The following TENM4 variants were observed in gnomAD, a reference collection of about 807,000 sequenced individuals.
TENM4 encodes teneurin-4.
In TENM4, 82 loss-of-function variants were observed where a neutral mutation model predicts 243.3. The observed-to-expected ratio is 0.34, with a 90% confidence interval of 0.28 to 0.40. TENM4 has a LOEUF of 0.40. Among genes scored for constraint, TENM4 ranks in the 10% least tolerant of loss-of-function variants. The pLI, the probability that TENM4 is intolerant of heterozygous loss-of-function variation, is 1.00. For synonymous variants in TENM4, 1,412 were observed against 1,456.3 expected, an observed-to-expected ratio of 0.97 and a Z score of 0.69; for missense variants, 3,138 against 3,673.3, an observed-to-expected ratio of 0.85 and a Z score of 3.77.
intron 28 of TENM4, among the ~76,000 whole-genome samples, chr11:78,689,312 T>C (rs138427696): frequency 6.6e-6 from 1 of 152,280 alleles, no homozygotes; most frequent in Non-Finnish European, 1.5e-5. Flanking sequence ...ACATTTTAAT[T>C]ATTGTTTTTA....
At chr11:78,732,249 T>G in intron 21 of TENM4, 67 bp downstream of exon 21, 1 of 1,530,166 alleles carries the variant, frequency 6.5e-7, no homozygotes, top group Non-Finnish European at 8.8e-7. Context: ...CCACTGTCTC[T>G]GAGATCCTCC....
At chr11:79,083,119 T>C (rs1471942079) in intron 4 of TENM4, among the ~76,000 whole-genome samples, 7 of 152,148 alleles carry the variant, frequency 4.6e-5, no homozygotes, top group Non-Finnish European at 8.8e-5. Context: ...AATTAAGTCT[T>C]ATAAGTGCCG....
chr11:79,404,611 C>T (rs1052010599), intron 1 of TENM4, among the ~76,000 whole-genome samples: 2 of 152,150 alleles, frequency 1.3e-5, no homozygotes, highest in Non-Finnish European at 2.9e-5. Context: ...ACTTTATGTT[C>T]TGTGAATTTT....
At chr11:79,057,317 G>A in intron 6 of TENM4, among the ~76,000 whole-genome samples, 1 of 151,650 alleles carries the variant, frequency 6.6e-6, no homozygotes. Context: ...AGCCACTCTG[G>A]CCTCCTTGCT....
chr11:79,388,970 G>T (rs1458011988), intron 1 of TENM4, among the ~76,000 whole-genome samples: 1 of 152,154 alleles, frequency 6.6e-6, no homozygotes, highest in Non-Finnish European at 1.5e-5. Flanking sequence ...CTGGACAAAG[G>T]CTGGACACAA....
At chr11:79,146,694 A>G (rs117361269) in intron 4 of TENM4, among the ~76,000 whole-genome samples, 2,052 of 152,226 alleles carry the variant, frequency 0.013, 43 homozygotes, top group East Asian at 0.073. Context: ...ACTCTCCCAT[A>G]TCCTAAGCAC....
At chr11:78,784,936 T>C (rs540306540) in intron 16 of TENM4, among the ~76,000 whole-genome samples, 1 of 152,178 alleles carries the variant, frequency 6.6e-6, no homozygotes, top group Admixed American at 6.5e-5. Flanking sequence ...CTTATAACAT[T>C]TTTGTCCAAC....
intron 3 of TENM4, among the ~76,000 whole-genome samples, chr11:79,192,748 A>G (rs1863543234): frequency 6.8e-6 from 1 of 147,492 alleles, no homozygotes; most frequent in Admixed American, 6.6e-5. Context: ...TGATCAATAA[A>G]AAAAAAATAA....
intron 2 of TENM4, among the ~76,000 whole-genome samples, chr11:79,275,396 T>G (rs1303030058): frequency 1.3e-5 from 2 of 152,248 alleles, no homozygotes; most frequent in Non-Finnish European, 2.9e-5. Flanking sequence ...AAAAGATGCC[T>G]GTAGGCAAAG....
chr11:79,247,970 AG>A (rs1268436962), intron 2 of TENM4, among the ~76,000 whole-genome samples: 1 of 152,192 alleles, frequency 6.6e-6, no homozygotes, highest in Non-Finnish European at 1.5e-5. Context: ...TCTTTGTAGG[AG>A]GGCATGGAAG....
chr11:78,828,035 G>C (rs1301790021), intron 12 of TENM4, among the ~76,000 whole-genome samples: 2 of 152,222 alleles, frequency 1.3e-5, no homozygotes, highest in Admixed American at 1.3e-4. Context: ...GACTAGCACA[G>C]TGTTCTGTCT....
At chr11:78,716,010 T>C (rs1859513718) in intron 25 of TENM4, among the ~76,000 whole-genome samples, 1 of 152,174 alleles carries the variant, frequency 6.6e-6, no homozygotes, top group Admixed American at 6.5e-5. Flanking sequence ...CGCTAGCACT[T>C]GATGCACACA....
At chr11:79,371,226 G>A (rs1108285) in intron 1 of TENM4, among the ~76,000 whole-genome samples, 42,123 of 152,020 alleles carry the variant, frequency 0.28, 6,000 homozygotes, top group Middle Eastern at 0.35. Flanking sequence ...TAGCACTGGA[G>A]GAAAGCAATG....
intron 19 of TENM4, among the ~76,000 whole-genome samples, chr11:78,746,558 G>A (rs1451654720): frequency 6.6e-6 from 1 of 152,220 alleles, no homozygotes; most frequent in Non-Finnish European, 1.5e-5. Context: ...TGATAAAAGT[G>A]TACACAAGAC....
Position 79,298,440 on chromosome 11 carries a change from G to A in TENM4, c.-320-897C>T, listed in dbSNP as rs569876288. Reference sequence around the variant, plus strand: ...TGAGGCAGGAGAATGGCGTGAACCCGGGAAGCGGAGCTTGCAGTGAGCCGA... The same window carrying A: ...TGAGGCAGGAGAATGGCGTGAACCCAGGAAGCGGAGCTTGCAGTGAGCCGA... On this transcript the variant is annotated intron_variant, in intron 1 of 33. Transcript: ENST00000278550. Among the ~76,000 whole-genome samples, 7 of 149,908 alleles carry A rather than the reference G, an allele frequency of 4.7e-5. No individual in the cohort carries two copies. In the South Asian group the frequency reaches 6.4e-4, roughly 14 times the overall value.
chr11:78,724,143 G>C (rs751234595), intron 23 of TENM4, among the ~76,000 whole-genome samples: 16 of 151,458 alleles, frequency 1.1e-4, no homozygotes, highest in Non-Finnish European at 2.1e-4. Context: ...GAGTATAGTG[G>C]CATGTTCTTG....
At chr11:79,318,650 A>G (rs1314210937) in intron 1 of TENM4, among the ~76,000 whole-genome samples, 2 of 152,220 alleles carry the variant, frequency 1.3e-5, no homozygotes, top group South Asian at 2.1e-4. Context: ...TAAAATAGAC[A>G]TCAGTAACCT....
intron 4 of TENM4, among the ~76,000 whole-genome samples, chr11:79,141,987 T>G (rs933946809): frequency 1.6e-4 from 24 of 151,998 alleles, no homozygotes; most frequent in Non-Finnish European, 2.8e-4. Context: ...AGAACATACC[T>G]CAACACAATA....
chr11:78,789,149 A>G (rs1857001565), intron 15 of TENM4, among the ~76,000 whole-genome samples: 1 of 152,108 alleles, frequency 6.6e-6, no homozygotes, highest in Non-Finnish European at 1.5e-5. Flanking sequence ...CCTCTTACTA[A>G]GGTTTGTTGG....
Sources: gnomAD v4.1 joint callset for allele counts (sites outside exome capture counted in the v4.1 genomes callset) on GRCh38, gnomAD v4.1.1 for gene constraint, MANE v1.5 for transcripts, NCBI Gene and HGNC (gene_info 2026-07-23, HGNC 2026-07-21) for gene names.